RIN3: variants seen among roughly 807,000 people sequenced by gnomAD.
RIN3 encodes the protein Ras and Rab interactor 3, also known as RAB5 interacting protein 3.
A neutral mutation model predicts 76.3 loss-of-function variants in RIN3; 54 were observed. The observed-to-expected ratio is 0.71, with a 90% CI of 0.57 to 0.89. RIN3 has a LOEUF of 0.89. Among genes scored for constraint, RIN3 ranks in the 40% least tolerant of loss-of-function variants. The pLI is 0.00. For missense variants in RIN3, 1,256 were observed against 1,322.1 expected (o/e 0.95, Z 0.78); for synonymous variants, 576 against 564.0 (o/e 1.02, Z -0.30).
chr14:92,687,954 C>T lies in RIN3; in HGVS notation c.2660C>T (p.Pro887Leu). 5.2e-6 allele frequency: 8 copies of T among 1,552,668 alleles called. No individual in the cohort carries two copies. Among genetic ancestry groups the T allele is most frequent in the Non-Finnish European group, 6.1e-6 (7 of 1,149,172 alleles). ...QDFICVSYLEPEQQARTLASR... is the reference protein window; with the variant it reads ...QDFICVSYLELEQQARTLASR... ...TTCATCTGCGTGTCGTACCTGGAGCCCGAGCAGCAGGCGCGGACGCTGGCG... is the reference window on the plus strand; with the variant it reads ...TTCATCTGCGTGTCGTACCTGGAGCTCGAGCAGCAGGCGCGGACGCTGGCG... Residue 887 changes from proline to leucine, a missense_variant, in exon 10 of 10, where the codon CCC becomes CTC. Pro to Leu is a moderately conservative substitution (Grantham distance 98). Transcript: ENST00000216487.
intron 8 of RIN3, among the ~76,000 whole-genome samples, chr14:92,679,800 AAACT>A (rs373419839): frequency 2.0e-5 from 3 of 152,154 alleles, no homozygotes; most frequent in African/African-American, 7.2e-5. Context: ...GAATCTAAGA[AAACT>A]AACACAAAGT....
intron 5 of RIN3, among the ~76,000 whole-genome samples, chr14:92,649,868 A>G (rs1887346855): frequency 6.6e-6 from 1 of 152,172 alleles, no homozygotes; most frequent in Admixed American, 6.5e-5. Context: ...TCTGCCCAGG[A>G]CAGGGCTGGG....
chr14:92,542,481 G>T (rs1380437208), intron 1 of RIN3, among the ~76,000 whole-genome samples: 1 of 152,168 alleles, frequency 6.6e-6, no homozygotes, highest in Non-Finnish European at 1.5e-5. Flanking sequence ...AATGTAAAAT[G>T]GTGTAGCCAC....
intron 3 of RIN3, among the ~76,000 whole-genome samples, chr14:92,599,766 T>G (rs1885279764): frequency 6.6e-6 from 1 of 152,168 alleles, no homozygotes; most frequent in Non-Finnish European, 1.5e-5. Flanking sequence ...TTCTTGACCT[T>G]TGGACTGAAG....
At position 92,688,496 on chromosome 14, in the gene RIN3, CTG is replaced by C. The variant is rs1888966385; in HGVS notation, c.*245_*246del. On this transcript the variant is annotated 3_prime_UTR_variant, in exon 10 of 10. Coordinates refer to ENST00000216487, the MANE Select transcript of RIN3 (RefSeq NM_024832.5). ...GTTCTTCATTAGACGGAAAGGGAAA[CTG>C]AGGCTCAGGAGAGAGGCGCTCCAGG... 1.1e-5 allele frequency: 6 copies of C among 547,328 alleles called. No homozygotes were observed. Among genetic ancestry groups the C allele is most frequent in the South Asian group, 7.4e-5 (3 of 40,608 alleles). The allele number at this position is 547,328 out of a possible 1,614,324, so 33.9% of individuals were successfully genotyped here.
chr14:92,634,161 G>A (rs1051740491), intron 4 of RIN3, among the ~76,000 whole-genome samples: 9 of 140,434 alleles, frequency 6.4e-5, no homozygotes, highest in Non-Finnish European at 1.2e-4. Flanking sequence ...TGCAACCTCC[G>A]CCTCCTGGGT....
chr14:92,664,638 G>A (rs895082731), intron 7 of RIN3, among the ~76,000 whole-genome samples: 1 of 151,964 alleles, frequency 6.6e-6, no homozygotes, highest in Non-Finnish European at 1.5e-5. Flanking sequence ...CCAAAGTGCT[G>A]GGATTACAGC....
At chr14:92,545,312 G>A (rs372839195) in intron 1 of RIN3, among the ~76,000 whole-genome samples, 30 of 151,768 alleles carry the variant, frequency 2.0e-4, no homozygotes, top group East Asian at 1.9e-3. Context: ...GGGTTTCACC[G>A]TGTGAGCCAG....
At chr14:92,554,032 C>T (rs1214816181) in intron 1 of RIN3, among the ~76,000 whole-genome samples, 1 of 152,156 alleles carries the variant, frequency 6.6e-6, no homozygotes, top group African/African-American at 2.4e-5. Flanking sequence ...AACCTTGATC[C>T]CTGGTACCCC....
chr14:92,518,232 C>T lies in RIN3; in HGVS notation c.44+4256C>T, dbSNP rs191154266. On this transcript the variant is annotated intron_variant, in intron 1 of 9. Transcript: ENST00000216487. ...ACCTCTTTAATATCATGACTTCCTA[C>T]TTCAGTTACAAACTTCCAAAGAAAG... 6.6e-5 allele frequency among the ~76,000 whole-genome samples: 10 copies of T among 152,354 alleles called. No individual in the cohort carries two copies. In the East Asian group the frequency reaches 1.9e-3, roughly 29 times the overall value.
intron 3 of RIN3, among the ~76,000 whole-genome samples, chr14:92,609,126 A>G (rs1885630666): frequency 6.6e-6 from 1 of 152,188 alleles, no homozygotes; most frequent in African/African-American, 2.4e-5. Context: ...CTTATAAGTA[A>G]GAACATATGA....
intron 6 of RIN3, among the ~76,000 whole-genome samples, chr14:92,655,830 G>A (rs1012126418): frequency 3.9e-5 from 6 of 152,232 alleles, no homozygotes; most frequent in Admixed American, 2.6e-4. Context: ...AGGACACAGC[G>A]TCCATCCTGG....
chr14:92,537,899 C>T (rs1399781451), intron 1 of RIN3, among the ~76,000 whole-genome samples: 1 of 151,504 alleles, frequency 6.6e-6, no homozygotes, highest in East Asian at 1.9e-4. Flanking sequence ...CACAGTGGTG[C>T]GACCTTGGAC....
At chr14:92,530,879 C>A (rs1896864457) in intron 1 of RIN3, among the ~76,000 whole-genome samples, 1 of 152,058 alleles carries the variant, frequency 6.6e-6, no homozygotes, top group Non-Finnish European at 1.5e-5. Context: ...TGTGGACAAC[C>A]CAGGTGAAGA....
chr14:92,622,013 G>A (rs1886200266), intron 4 of RIN3, among the ~76,000 whole-genome samples: 1 of 152,252 alleles, frequency 6.6e-6, no homozygotes, highest in Non-Finnish European at 1.5e-5. Context: ...GAGCCAAACA[G>A]TACCAAAGGA....
intron 3 of RIN3, among the ~76,000 whole-genome samples, chr14:92,607,477 G>T (rs914416777): frequency 6.6e-6 from 1 of 152,160 alleles, no homozygotes. Flanking sequence ...TTAGCTGGGT[G>T]TGGTGGTGCA....
At chr14:92,621,016 C>T (rs569927822) in intron 4 of RIN3, among the ~76,000 whole-genome samples, 4 of 152,200 alleles carry the variant, frequency 2.6e-5, no homozygotes, top group East Asian at 1.9e-4. Context: ...GGGCCGGGCA[C>T]GGTTGCTCAT....
rs143046387 is a variant in RIN3 at position 92,557,026 on chromosome 14, C to G, written c.249+1071C>G. Among the ~76,000 whole-genome samples the G allele has an allele frequency of 2.2e-4, 33 of 152,366 alleles. No homozygotes were observed. The East Asian group carries it at 2.3e-3, about 11-fold the overall frequency. On this transcript the variant is annotated intron_variant, in intron 2 of 9. Coordinates refer to ENST00000216487, the MANE Select transcript of RIN3 (RefSeq NM_024832.5). ...AAAACAAAGCCCTACACTCCCTCCC[C>G]CTTCTCCCCTCCTGCAGCCCCGTAA... is the stretch of plus-strand genomic sequence containing the variant.
Position 92,514,403 on chromosome 14 carries a change from GC to G in RIN3, c.44+428del, listed in dbSNP as rs1455587704. ...CACCCGCTGCTCTGCGAGTCGCAGC[GC>G]GCGCCCTCGGGTACTAGAGCCCCGC... On this transcript the variant is annotated intron_variant, in intron 1 of 9. Coordinates refer to ENST00000216487, the MANE Select transcript of RIN3 (RefSeq NM_024832.5). This position sits in a 1 kb window ranked among gnomAD's most constrained non-coding sequence, Gnocchi z 7.2. Among the ~76,000 whole-genome samples, 1 of 152,224 alleles carries G rather than the reference GC, an allele frequency of 6.6e-6. No individual in the cohort carries two copies. Among genetic ancestry groups the G allele is most frequent in the Non-Finnish European group, 1.5e-5 (1 of 68,044 alleles).
Sources: gnomAD v4.1 joint callset for allele counts (sites outside exome capture counted in the v4.1 genomes callset) on GRCh38, gnomAD v4.1.1 for gene constraint, Gnocchi (gnomAD v3.1) non-coding constraint, MANE v1.5 for transcripts, NCBI Gene and HGNC (gene_info 2026-07-23, HGNC 2026-07-21) for gene names.